The following SLC22A23 variants were observed in gnomAD, a reference collection of about 807,000 sequenced individuals.
SLC22A23 encodes the protein ion transporter protein.
SLC22A23 carries 26 observed loss-of-function variants against 61.0 expected under a neutral mutation model. That is an observed-to-expected ratio of 0.43 (90% CI 0.31 to 0.59). The LOEUF is 0.59. SLC22A23 is among the 20% of genes least tolerant of loss of function. The probability of loss-of-function intolerance (pLI) is 0.11; values close to 1 mark genes in which losing one functional copy is unlikely to be tolerated. For synonymous variants in SLC22A23, 430 were observed against 413.9 expected (o/e 1.04, Z -0.47); for missense variants, 796 against 934.7 (o/e 0.85, Z 1.94).
At chr6:3,422,407 G>A (rs945247422) in intron 1 of SLC22A23, among the ~76,000 whole-genome samples, 7 of 152,128 alleles carry the variant, frequency 4.6e-5, no homozygotes, top group African/African-American at 1.2e-4. Context: ...GGCTGATGAA[G>A]CACATTAGCT....
At chr6:3,314,591 C>T (rs547194209) in intron 4 of SLC22A23, among the ~76,000 whole-genome samples, 3 of 152,250 alleles carry the variant, frequency 2.0e-5, no homozygotes, top group African/African-American at 4.8e-5. Flanking sequence ...ATCAGTATTA[C>T]TCTGACCAAA....
intron 3 of SLC22A23, among the ~76,000 whole-genome samples, chr6:3,395,637 CA>C (rs1480744328): frequency 1.4e-4 from 21 of 152,254 alleles, no homozygotes; most frequent in African/African-American, 4.8e-4. Context: ...TGGAGCAGGC[CA>C]GGGGTGAAAT....
intron 3 of SLC22A23, among the ~76,000 whole-genome samples, chr6:3,362,402 C>CA (rs1765516924): frequency 1.8e-5 from 1 of 56,654 alleles, no homozygotes. Context: ...GATTCCGTCT[C>CA]ACAAAAAAAA....
intron 4 of SLC22A23, among the ~76,000 whole-genome samples, chr6:3,316,784 G>A (rs1467381101): frequency 6.6e-5 from 10 of 152,264 alleles, no homozygotes; most frequent in Admixed American, 2.6e-4. Context: ...ATACAGACAC[G>A]TGCTCCCATG....
At chr6:3,357,286 T>C (rs938079479) in intron 3 of SLC22A23, among the ~76,000 whole-genome samples, 1 of 152,186 alleles carries the variant, frequency 6.6e-6, no homozygotes, top group Non-Finnish European at 1.5e-5. Context: ...CTGGAGGACT[T>C]ATCCCAGCCT....
intron 5 of SLC22A23, 115 bp from the exon 6 acceptor site, chr6:3,289,981 CTTTTTTTTTTT>C (rs35568219): frequency 4.4e-6 from 2 of 449,518 alleles, no homozygotes; most frequent in Non-Finnish European, 7.9e-6. Context: ...GAGAGAGAAG[CTTTTTTTTTTT>C]TTTTTTTTTT....
At chr6:3,357,537 A>G (rs79642810) in intron 3 of SLC22A23, among the ~76,000 whole-genome samples, 1 of 152,218 alleles carries the variant, frequency 6.6e-6, no homozygotes, top group Non-Finnish European at 1.5e-5. Flanking sequence ...AATATCAAAA[A>G]GATATCTAAA....
At position 3,341,665 on chromosome 6, in the gene SLC22A23, C is replaced by T. The variant is rs75245111; in HGVS notation, c.914-17663G>A. ...GTGTTCAGCCAGCACTTCTGATTCA[C>T]GCTGGGCTGCCTTTGACAGAGTTGG... On this transcript the variant is annotated intron_variant, in intron 3 of 9. Coordinates refer to ENST00000406686, the MANE Select transcript of SLC22A23 (RefSeq NM_015482.2). Among the ~76,000 whole-genome samples, 1,321 of 152,170 alleles carry T rather than the reference C, an allele frequency of 8.7e-3. 7 individuals carry two copies. The highest frequency in any genetic ancestry group is 0.035 in the South Asian group (170 of 4,808).
intron 1 of SLC22A23, among the ~76,000 whole-genome samples, chr6:3,442,724 C>A (rs562042899): frequency 2.0e-5 from 3 of 152,014 alleles, no homozygotes; most frequent in Non-Finnish European, 4.4e-5. Flanking sequence ...CTCCCTTGCA[C>A]CTATTTTTAA....
intron 3 of SLC22A23, among the ~76,000 whole-genome samples, chr6:3,338,682 T>C (rs1017648531): frequency 6.6e-6 from 1 of 152,268 alleles, no homozygotes; most frequent in Non-Finnish European, 1.5e-5. Flanking sequence ...GAAAACATTT[T>C]TTCTTCCCTT....
At position 3,270,127 on chromosome 6, in the gene SLC22A23, T is replaced by G. The variant is rs965082131; in HGVS notation, c.*2928A>C. ...CAGGTGTTCACATTTGTGCATAACT[T>G]TTATTGAAAGGCTGACAGGGTAGGC... On this transcript the variant is annotated 3_prime_UTR_variant, in exon 10 of 10. Transcript: ENST00000406686. 1 of 152,328 alleles carries G rather than the reference T, an allele frequency of 6.6e-6. No homozygotes were observed. Among genetic ancestry groups the G allele is most frequent in the African/African-American group, 2.4e-5 (1 of 41,428 alleles). 9.4% of individuals were successfully genotyped at this position (152,328 alleles called of 1,614,324 possible).
At chr6:3,438,860 G>A (rs1474244654) in intron 1 of SLC22A23, among the ~76,000 whole-genome samples, 3 of 152,192 alleles carry the variant, frequency 2.0e-5, no homozygotes, top group African/African-American at 7.2e-5. Context: ...CTTCACAGAG[G>A]GCAGGGAACC....
rs1238112607 is a variant in SLC22A23 at position 3,410,912 on chromosome 6, G to A, written c.759-570C>T. On this transcript the variant is annotated intron_variant, in intron 2 of 9. Coordinates refer to ENST00000406686, the MANE Select transcript of SLC22A23 (RefSeq NM_015482.2). This position sits in a 1 kb window ranked among gnomAD's most constrained non-coding sequence, Gnocchi z 5.0. ...AATTTTTAAGGGATCACACACTAAG[G>A]TAAGACAGCGTGAACTTTAAATGCC... Among the ~76,000 whole-genome samples the A allele has an allele frequency of 2.6e-5, 4 of 152,208 alleles. No individual in the cohort carries two copies. The highest frequency in any genetic ancestry group is 2.9e-5 in the Non-Finnish European group (2 of 68,034).
intron 1 of SLC22A23, among the ~76,000 whole-genome samples, chr6:3,433,749 A>C (rs1771021104): frequency 6.6e-6 from 1 of 152,228 alleles, no homozygotes. Context: ...ATCAATGTGC[A>C]CAGTACCATT....
At chr6:3,378,322 C>T (rs1263858576) in intron 3 of SLC22A23, among the ~76,000 whole-genome samples, 3 of 152,190 alleles carry the variant, frequency 2.0e-5, no homozygotes, top group Non-Finnish European at 2.9e-5. Context: ...CAGGACCGTT[C>T]TCCCAGGAAT....
chr6:3,283,092 T>A (rs1282284538), intron 9 of SLC22A23, among the ~76,000 whole-genome samples: 1 of 152,164 alleles, frequency 6.6e-6, no homozygotes, highest in Non-Finnish European at 1.5e-5. Context: ...TCACTCGCTG[T>A]GCTCGCTTTG....
intron 1 of SLC22A23, among the ~76,000 whole-genome samples, chr6:3,436,890 C>T (rs983077984): frequency 1.3e-5 from 2 of 152,200 alleles, no homozygotes; most frequent in East Asian, 1.9e-4. Flanking sequence ...TCAAACAGAT[C>T]GCAAAAGAAA....
chr6:3,350,772 G>A (rs1191102009), intron 3 of SLC22A23, among the ~76,000 whole-genome samples: 1 of 152,148 alleles, frequency 6.6e-6, no homozygotes, highest in Non-Finnish European at 1.5e-5. Flanking sequence ...TTTATTATGA[G>A]AGCAGATTCC....
rs374369262 is a variant in SLC22A23, at chr6:3,298,188, C to T, written c.1113G>A (p.Met371Ile). 1.9e-6 allele frequency: 3 copies of T among 1,591,328 alleles called. No homozygotes were observed. Among genetic ancestry groups the T allele is most frequent in the Non-Finnish European group, 2.6e-6 (3 of 1,171,906 alleles). The stretch of plus-strand genomic sequence containing the variant: ...TTGCAGACTCAAACTGCTGGGTGGC[C>T]ATTAGCCACCGGAGGGACTCGGGGA... ...SIFPESLRWLMATQQFESAKR... is the reference protein window; with the variant it reads ...SIFPESLRWLIATQQFESAKR... Residue 371 changes from methionine to isoleucine, a missense_variant, in exon 5 of 10, where the codon ATG becomes ATA. Physicochemically the swap from Met to Ile is conservative, Grantham distance 10 (BLOSUM62 1). Transcript: ENST00000406686.
Sources: gnomAD v4.1 joint callset for allele counts (sites outside exome capture counted in the v4.1 genomes callset) on GRCh38, gnomAD v4.1.1 for gene constraint, Gnocchi (gnomAD v3.1) non-coding constraint, MANE v1.5 for transcripts, NCBI Gene and HGNC (gene_info 2026-07-23, HGNC 2026-07-21) for gene names.